The following DTNA variants were observed in gnomAD, a reference collection of about 807,000 sequenced individuals.
DTNA encodes dystrobrevin alpha, also known as dystrophin-related protein 3.
Under a neutral mutation model 100.7 loss-of-function variants are expected in DTNA, and 43 were observed. The ratio of observed to expected loss-of-function variants is 0.43; its 90% CI spans 0.33 to 0.55. The LOEUF (loss-of-function observed/expected upper bound fraction) is 0.55. DTNA is among the 20% of genes least tolerant of loss of function. DTNA has a pLI of 0.04. For missense variants in DTNA, 798 were observed against 953.9 expected, an observed-to-expected ratio of 0.84 and a Z score of 2.15; for synonymous variants, 349 against 347.9, an observed-to-expected ratio of 1.00 and a Z score of -0.04.
chr18:34,887,294 G>A (rs1346197398), intron 22 of DTNA, among the ~76,000 whole-genome samples: 1 of 152,174 alleles, frequency 6.6e-6, no homozygotes, highest in African/African-American at 2.4e-5. Context: ...CTCAATTTTA[G>A]CCCATTTAGG....
chr18:34,834,275 C>T (rs750070170), intron 11 of DTNA, among the ~76,000 whole-genome samples: 1 of 151,756 alleles, frequency 6.6e-6, no homozygotes. Flanking sequence ...GCAGGTAGAT[C>T]GCCTGAGGTC....
chr18:34,730,094 G>T (rs1297771887), intron 1 of DTNA, among the ~76,000 whole-genome samples: 6 of 152,046 alleles, frequency 3.9e-5, no homozygotes. Context: ...TTTTCTTTCC[G>T]AAGCCTACAG....
At chr18:34,642,906 C>A (rs1413735142) in intron 1 of DTNA, among the ~76,000 whole-genome samples, 1 of 152,152 alleles carries the variant, frequency 6.6e-6, no homozygotes, top group Admixed American at 6.6e-5. Flanking sequence ...AGTGTGAAAT[C>A]TCTCTGCTTA....
At chr18:34,688,491 G>A (rs1354983877) in intron 1 of DTNA, among the ~76,000 whole-genome samples, 1 of 152,172 alleles carries the variant, frequency 6.6e-6, no homozygotes, top group Admixed American at 6.5e-5. Context: ...CTGGCTTGTA[G>A]CGTTTCTGCT....
intron 1 of DTNA, among the ~76,000 whole-genome samples, chr18:34,690,252 T>G (rs561543297): frequency 6.6e-6 from 1 of 152,208 alleles, no homozygotes; most frequent in African/African-American, 2.4e-5. Context: ...CATTTTGTGC[T>G]TGAAACCCAG....
At chr18:34,579,836 A>G (rs1233859940) in intron 1 of DTNA, among the ~76,000 whole-genome samples, 1 of 152,074 alleles carries the variant, frequency 6.6e-6, no homozygotes, top group Non-Finnish European at 1.5e-5. Context: ...AACTTTCTTC[A>G]TACATGGGTT....
Position 34,638,881 on chromosome 18 carries a change from G to T in DTNA, c.-1-117095G>T, listed in dbSNP as rs565164080. ...TTTGAAGTGGAGTTTCGCTCTTGCT[G>T]CCCAGGCTGGAGTGTAATGGCATCA... On this transcript the variant is annotated intron_variant, in intron 1 of 19. Coordinates refer to the DTNA transcript ENST00000283365. Among the ~76,000 whole-genome samples the T allele has an allele frequency of 2.0e-5, 3 of 152,186 alleles. No individual in the cohort carries two copies. The South Asian group carries it at 6.2e-4, about 32-fold the overall frequency.
chr18:34,499,270 C>T (rs574230917), intron 1 of DTNA, among the ~76,000 whole-genome samples: 3 of 152,224 alleles, frequency 2.0e-5, no homozygotes, highest in South Asian at 2.1e-4. Flanking sequence ...TTCCACTCAG[C>T]GTAGTTTTCT....
At chr18:34,795,029 C>T (rs1397562063) in intron 4 of DTNA, among the ~76,000 whole-genome samples, 2 of 152,182 alleles carry the variant, frequency 1.3e-5, no homozygotes, top group East Asian at 1.9e-4. Context: ...CATTCTCAGC[C>T]TACAATTTCA....
At position 34,851,973 on chromosome 18, in the gene DTNA, T is replaced by C. The variant is rs771949196; in HGVS notation, c.1532+45T>C. 1.1e-5 allele frequency: 18 copies of C among 1,579,002 alleles called. No individual in the cohort carries two copies. In the Admixed American group the frequency reaches 3.0e-4, roughly 26 times the overall value. On this transcript the variant is annotated intron_variant, in intron 15 of 22. Coordinates refer to ENST00000444659, the MANE Select transcript of DTNA (RefSeq NM_001386795.1). ...CTGGCTTGTTTGATCAATGTGCGCATTCCTTAATAAACTATGGTCGTGCTT... is the reference window on the plus strand; with the variant it reads ...CTGGCTTGTTTGATCAATGTGCGCACTCCTTAATAAACTATGGTCGTGCTT...
At chr18:34,617,838 G>T (rs947709143) in intron 1 of DTNA, among the ~76,000 whole-genome samples, 3 of 152,126 alleles carry the variant, frequency 2.0e-5, no homozygotes, top group African/African-American at 7.2e-5. Context: ...TAACTTTTGT[G>T]TGCACTGGGA....
At chr18:34,838,991 G>A (rs2149723059) in intron 13 of DTNA, among the ~76,000 whole-genome samples, 154 bp downstream of exon 13, 1 of 152,274 alleles carries the variant, frequency 6.6e-6, no homozygotes, top group East Asian at 1.9e-4. Context: ...CGTGATGTTA[G>A]TTTGGATACT....
intron 5 of DTNA, among the ~76,000 whole-genome samples, chr18:34,806,749 C>T (rs1469610433): frequency 6.6e-6 from 1 of 152,110 alleles, no homozygotes; most frequent in Non-Finnish European, 1.5e-5. Flanking sequence ...GTTTCAAAGC[C>T]AACAATGTCA....
chr18:34,818,497 C>T lies in DTNA; in HGVS notation c.876+167C>T, dbSNP rs895866572. On this transcript the variant is annotated intron_variant, in intron 8 of 22. Coordinates refer to ENST00000444659, the MANE Select transcript of DTNA (RefSeq NM_001386795.1). ...CTCTCCACCCTACTGCGTGCTCTTACTTATTCTGTTGGAACCCAGTGTAGC... is the reference window on the plus strand; with the variant it reads ...CTCTCCACCCTACTGCGTGCTCTTATTTATTCTGTTGGAACCCAGTGTAGC... 3.3e-6 allele frequency: 5 copies of T among 1,511,920 alleles called. 1 individual carries two copies. The Admixed American group carries it at 1.0e-4, about 30-fold the overall frequency. The allele number at this position is 1,511,920 out of a possible 1,614,324, so 93.7% of individuals were successfully genotyped here.
chr18:34,826,072 A>G (rs1000283510), intron 9 of DTNA, among the ~76,000 whole-genome samples: 7 of 152,260 alleles, frequency 4.6e-5, no homozygotes, highest in Admixed American at 1.3e-4. Flanking sequence ...AATGCAAAAC[A>G]CTAAGATTGT....
intron 19 of DTNA, among the ~76,000 whole-genome samples, chr18:34,878,303 TA>T (rs2096838990): frequency 6.6e-6 from 1 of 152,178 alleles, no homozygotes; most frequent in African/African-American, 2.4e-5. Context: ...TTTTGCTTAT[TA>T]AAAGACTATT....
intron 1 of DTNA, among the ~76,000 whole-genome samples, chr18:34,512,900 G>T (rs1201694328): frequency 6.6e-6 from 1 of 151,996 alleles, no homozygotes; most frequent in Non-Finnish European, 1.5e-5. Context: ...CCATTGCATT[G>T]TGGAATACAA....
intron 1 of DTNA, among the ~76,000 whole-genome samples, chr18:34,535,673 G>A (rs2043628330): frequency 1.3e-5 from 2 of 152,076 alleles, no homozygotes; most frequent in East Asian, 3.9e-4. Flanking sequence ...TTTTGTGTAA[G>A]ATGTAAGGAA....
At chr18:34,801,694 A>G (rs1301245800) in intron 4 of DTNA, among the ~76,000 whole-genome samples, 2 of 151,868 alleles carry the variant, frequency 1.3e-5, no homozygotes, top group African/African-American at 4.8e-5. Context: ...GTATTTTAGT[A>G]GAGACGGGTT....
Sources: gnomAD v4.1 joint callset for allele counts (sites outside exome capture counted in the v4.1 genomes callset) on GRCh38, gnomAD v4.1.1 for gene constraint, MANE v1.5 for transcripts, NCBI Gene and HGNC (gene_info 2026-07-23, HGNC 2026-07-21) for gene names.